The following DSCC1 variants were observed in gnomAD, a reference collection of about 807,000 sequenced individuals.
DSCC1 encodes sister chromatid cohesion protein DCC1.
Under a neutral mutation model 48.2 loss-of-function variants are expected in DSCC1, and 32 were observed. The observed-to-expected ratio is 0.66, with a 90% CI of 0.50 to 0.89. The LOEUF (loss-of-function observed/expected upper bound fraction) is 0.89. DSCC1 is among the 40% of genes least tolerant of loss of function. The pLI is 0.00. For synonymous variants in DSCC1, 150 were observed against 171.5 expected (o/e 0.87, Z 0.98); for missense variants, 421 against 471.7 (o/e 0.89, Z 1.00).
intron 4 of DSCC1, among the ~76,000 whole-genome samples, chr8:119,845,534 G>A (rs1826843490): frequency 1.3e-5 from 2 of 152,076 alleles, no homozygotes; most frequent in African/African-American, 4.8e-5. Flanking sequence ...GTAAAACTGA[G>A]GAAGAAAGCA....
intron 8 of DSCC1, among the ~76,000 whole-genome samples, chr8:119,836,697 C>A (rs1369682545): frequency 2.6e-5 from 4 of 151,964 alleles, no homozygotes; most frequent in Non-Finnish European, 4.4e-5. Flanking sequence ...ATATAGGAAT[C>A]TGGACCTCAG....
chr8:119,834,719 C>A lies in DSCC1; in HGVS notation c.*174G>T. 1.7e-6 allele frequency: 1 copy of A among 600,884 alleles called. No homozygotes were observed. The highest frequency in any genetic ancestry group is 3.0e-6 in the Non-Finnish European group (1 of 338,050). 37.2% of individuals were successfully genotyped at this position (600,884 alleles called of 1,614,324 possible). A position where few individuals can be genotyped will look rare whatever the true frequency, so the allele number is the denominator to read the frequency against. The stretch of plus-strand genomic sequence containing the variant: ...ACATAGTACAAATATAATTTTAAAG[C>A]TACATCCTATAACATTTAAGAAATA... On this transcript the variant is annotated 3_prime_UTR_variant, in exon 9 of 9. Coordinates refer to ENST00000313655, the MANE Select transcript of DSCC1 (RefSeq NM_024094.3).
chr8:119,835,821 CAA>C (rs1826672629), intron 8 of DSCC1, among the ~76,000 whole-genome samples: 1 of 152,080 alleles, frequency 6.6e-6, no homozygotes. Context: ...TTCTGTACCT[CAA>C]AGAGAAGAAG....
chr8:119,853,566 C>T (rs1241502410), intron 1 of DSCC1, among the ~76,000 whole-genome samples: 1 of 152,272 alleles, frequency 6.6e-6, no homozygotes, highest in Non-Finnish European at 1.5e-5. Context: ...CAATTTTCTA[C>T]AACATGCTAA....
chr8:119,839,567 CT>C (rs1826737313), intron 7 of DSCC1: 3 of 152,286 alleles, frequency 2.0e-5, no homozygotes, highest in Admixed American at 6.5e-5. Context: ...AACCTTCCGT[CT>C]GTCCATCTTG....
At position 119,838,292 on chromosome 8, in the gene DSCC1, T is replaced by C. The variant is rs1287212217; in HGVS notation, c.1040A>G (p.Lys347Arg). Residue 347 changes from lysine (K) to arginine (R), a missense_variant, in exon 8 of 9, where the codon AAG (lysine) becomes AGG (arginine). Around this residue, in one of 3 missense-constraint regions of DSCC1, gnomAD observed 238 missense variants for 259.0 expected, o/e 0.92. Transcript: ENST00000313655. ...RFNSLFSLREKWTEEDIAPYI... is the reference protein window; with the variant it reads ...RFNSLFSLRERWTEEDIAPYI... ...TGGAGCAATATCTTCTTCTGTCCAC[T>C]TCTCCCTTAGAGAGAAAAGGCTATT... 3.1e-6 allele frequency: 5 copies of C among 1,603,860 alleles called. No individual in the cohort carries two copies. The highest frequency in any genetic ancestry group is 1.3e-5 in the African/African-American group (1 of 74,674).
At chr8:119,843,484 T>C in intron 5 of DSCC1, 125 bp downstream of exon 5, 1 of 1,348,838 alleles carries the variant, frequency 7.4e-7, no homozygotes, top group East Asian at 2.4e-5. Flanking sequence ...GTTGTAATTG[T>C]AAACATTTCT....
intron 8 of DSCC1, among the ~76,000 whole-genome samples, chr8:119,835,927 G>A (rs1221597128): frequency 6.6e-6 from 1 of 152,208 alleles, no homozygotes; most frequent in Non-Finnish European, 1.5e-5. Context: ...TTGAAGGACA[G>A]GGAAAAAGAA....
rs1238478933 is a variant in DSCC1, at chr8:119,853,097, G to A, written c.301C>T (p.Pro101Ser). The change falls in exon 2 of 9, where the codon CCG (proline) becomes TCG (serine). Residue 101 changes from proline (P) to serine (S), a missense_variant. Pro to Ser is a moderately conservative substitution (Grantham distance 74). Coordinates refer to ENST00000313655, the MANE Select transcript of DSCC1 (RefSeq NM_024094.3). ...MLLFIPGCKTPDQLKKEDSHC... is the reference protein window; with the variant it reads ...MLLFIPGCKTSDQLKKEDSHC... ...GAATCTTCCTTCTTCAACTGGTCCG[G>A]AGTTTTACAACCAGGAATGAAAAGC... The A allele has an allele frequency of 6.2e-7, 1 of 1,613,954 alleles. No individual in the cohort carries two copies. The highest frequency in any genetic ancestry group is 8.5e-7 in the Non-Finnish European group (1 of 1,179,934).
rs372537972 is a variant in DSCC1 at position 119,841,910 on chromosome 8, T to C, written c.808A>G (p.Arg270Gly). Reference sequence around the variant, plus strand: ...TGAAGTAGCATTCGTGCTGCTGCTCTACATATTTTATCAGCATCCAACTCA... The same window carrying C: ...TGAAGTAGCATTCGTGCTGCTGCTCCACATATTTTATCAGCATCCAACTCA... The part of the protein sequence containing the change: ...YFELDADKIC[R>G]AAARMLLQNA... The change falls in exon 7 of 9, where the codon AGA (arginine) becomes GGA (glycine). Residue 270 changes from arginine (R) to glycine (G), a missense_variant. Physicochemically the swap from Arg to Gly is moderately radical, Grantham distance 125. This residue lies in a region of DSCC1 where 238 missense variants were observed against 259.0 expected (regional missense o/e 0.92). Coordinates refer to ENST00000313655, the MANE Select transcript of DSCC1 (RefSeq NM_024094.3). 15 of 1,614,030 alleles carry C rather than the reference T, an allele frequency of 9.3e-6. No individual in the cohort carries two copies. In the African/African-American group the frequency reaches 2.0e-4, roughly 22 times the overall value.
At chr8:119,853,574 T>TA (rs1826972569) in intron 1 of DSCC1, among the ~76,000 whole-genome samples, 1 of 152,274 alleles carries the variant, frequency 6.6e-6, no homozygotes, top group Non-Finnish European at 1.5e-5. Context: ...TACAACATGC[T>TA]AAAGTGGTAC....
At chr8:119,850,254 A>G (rs1826925554) in intron 3 of DSCC1, 128 bp downstream of exon 3, 1 of 960,192 alleles carries the variant, frequency 1.0e-6, no homozygotes, top group South Asian at 2.5e-5. Flanking sequence ...TTGAAATTTT[A>G]TAACTTTTTT....
At chr8:119,849,483 G>A (rs1167948345) in intron 3 of DSCC1, among the ~76,000 whole-genome samples, 4 of 152,154 alleles carry the variant, frequency 2.6e-5, no homozygotes, top group Non-Finnish European at 5.9e-5. Flanking sequence ...AGTGAAAGAA[G>A]CTAGTCAGAA....
chr8:119,836,429 A>G (rs1021160933), intron 8 of DSCC1, among the ~76,000 whole-genome samples: 5 of 152,206 alleles, frequency 3.3e-5, no homozygotes, highest in Non-Finnish European at 5.9e-5. Flanking sequence ...AGAAAGGAGA[A>G]GGGGGCAAAA....
chr8:119,855,484 A>T lies in DSCC1; in HGVS notation c.182+130T>A, dbSNP rs989031243. On this transcript the variant is annotated intron_variant, in intron 1 of 8. Transcript: ENST00000313655. ...CCGGAGGCGTGGACTCCTCGGGAACAGGCAGCTTGCTATGAGCCCCCGGCC... is the reference window on the plus strand; with the variant it reads ...CCGGAGGCGTGGACTCCTCGGGAACTGGCAGCTTGCTATGAGCCCCCGGCC... 27 of 1,290,076 alleles carry T rather than the reference A, an allele frequency of 2.1e-5. 1 individual carries two copies. In the East Asian group the frequency reaches 4.0e-4, roughly 19 times the overall value. The allele number at this position is 1,290,076 out of a possible 1,614,324, so 79.9% of individuals were successfully genotyped here.
At chr8:119,852,870 C>A in intron 2 of DSCC1, 177 bp downstream of exon 2, 1 of 523,650 alleles carries the variant, frequency 1.9e-6, no homozygotes, top group Non-Finnish European at 3.0e-6. Flanking sequence ...GTTCACAAGA[C>A]TCCAACAAAC....
rs201899677 is a variant in DSCC1 at position 119,841,879 on chromosome 8, G to A, written c.839C>T (p.Ala280Val). 7.4e-5 allele frequency: 119 copies of A among 1,613,880 alleles called. No homozygotes were observed. Among genetic ancestry groups the A allele is most frequent in the Non-Finnish European group, 7.3e-5 (86 of 1,179,970 alleles). Residue 280 changes from alanine to valine, a missense_variant, in exon 7 of 9, where the codon GCG (alanine) becomes GTG (valine). Coordinates refer to ENST00000313655, the MANE Select transcript of DSCC1 (RefSeq NM_024094.3). ...AAACTCAGCGAGATTGAATTTCACC[G>A]CATTCTGAAGTAGCATTCGTGCTGC... ...RAAARMLLQN[A>V]VKFNLAEFQE...
intron 6 of DSCC1, among the ~76,000 whole-genome samples, chr8:119,842,206 T>A (rs1826782610): frequency 6.6e-6 from 1 of 152,024 alleles, no homozygotes; most frequent in African/African-American, 2.4e-5. Context: ...CCCAGGAAGC[T>A]GGGATTACAG....
chr8:119,847,893 G>A (rs776829050), intron 3 of DSCC1, among the ~76,000 whole-genome samples: 1 of 151,492 alleles, frequency 6.6e-6, no homozygotes, highest in Non-Finnish European at 1.5e-5. Flanking sequence ...TCGAACTCCC[G>A]ACCTCAGGTG....
Sources: allele counts gnomAD v4.1 joint callset (sites outside exome capture counted in the v4.1 genomes callset), GRCh38; gene constraint gnomAD v4.1.1; regional missense constraint gnomAD v4.1.1; transcripts MANE v1.5; gene names NCBI Gene and HGNC (gene_info 2026-07-23, HGNC 2026-07-21).